Variants in ZFYVE26 observed in about 807,000 individuals in gnomAD.
The protein encoded by ZFYVE26 is zinc finger FYVE-type containing 26.
In ZFYVE26, 181 loss-of-function variants were observed where a neutral mutation model predicts 276.5. The observed-to-expected ratio is 0.65, with a 90% CI of 0.58 to 0.74. The LOEUF is 0.74. ZFYVE26 is among the 30% of genes least tolerant of loss of function. ZFYVE26 has a pLI of 0.00. For synonymous variants in ZFYVE26, 1,129 were observed against 1,203.1 expected (o/e 0.94, Z 1.27); for missense variants, 2,821 against 3,097.9 (o/e 0.91, Z 2.12).
chr14:67,757,325 A>G (rs533131664), intron 35 of ZFYVE26, among the ~76,000 whole-genome samples: 12 of 152,320 alleles, frequency 7.9e-5, no homozygotes, highest in African/African-American at 2.6e-4. Context: ...AATGTCCACA[A>G]GGTCCTGTGT....
chr14:67,764,970 T>C (rs1442146527), intron 32 of ZFYVE26, among the ~76,000 whole-genome samples: 1 of 152,224 alleles, frequency 6.6e-6, no homozygotes, highest in East Asian at 1.9e-4. Context: ...ACTTGAGATA[T>C]ATTTGAATAT....
At chr14:67,815,337 C>T (rs1231692269) in intron 2 of ZFYVE26, among the ~76,000 whole-genome samples, 5 of 152,272 alleles carry the variant, frequency 3.3e-5, no homozygotes, top group East Asian at 3.9e-4. Context: ...GAAAAGGATA[C>T]GCTGGACTCC....
intron 39 of ZFYVE26, among the ~76,000 whole-genome samples, chr14:67,753,374 TGGAAAGCCCC>T (rs1566862246): frequency 1.1e-4 from 17 of 152,166 alleles, no homozygotes; most frequent in African/African-American, 3.9e-4. Context: ...TTGTGGCCAG[TGGAAAGCCCC>T]TGGCCACCCC....
At position 67,783,232 on chromosome 14, in the gene ZFYVE26, A is replaced by C; in HGVS notation, c.3920T>G (p.Phe1307Cys). 6.2e-7 allele frequency: 1 copy of C among 1,613,836 alleles called. No homozygotes were observed. The highest frequency in any genetic ancestry group is 1.1e-5 in the South Asian group (1 of 91,064). Residue 1307 changes from phenylalanine (F) to cysteine (C), a missense_variant, in exon 21 of 42, where the codon TTT becomes TGT. Coordinates refer to ENST00000347230, the MANE Select transcript of ZFYVE26 (RefSeq NM_015346.4). ...LPALTSSALA[F>C]LKSRSKLLAT... is the part of the protein sequence containing the mutation. ...TAGGAGCTTTGAGCGTGACTTAAGA[A>C]AGGCCAAGGCAGAGGAGGTGAGGGC...
chr14:67,813,763 C>T (rs182720399), intron 3 of ZFYVE26, among the ~76,000 whole-genome samples: 1 of 152,292 alleles, frequency 6.6e-6, no homozygotes, highest in African/African-American at 2.4e-5. Context: ...GCACAAGACT[C>T]ATGGTGGTAT....
chr14:67,753,815 A>G (rs2038709626), intron 38 of ZFYVE26, 49 bp from the exon 39 acceptor site: 19 of 1,598,428 alleles, frequency 1.2e-5, no homozygotes, highest in Non-Finnish European at 1.6e-5. Flanking sequence ...TTACTAGAGA[A>G]TACTCTTGAC....
chr14:67,815,835 T>C lies in ZFYVE26; in HGVS notation c.129A>G (p.Gln43=). The change falls in exon 2 of 42, where the codon CAA becomes CAG. Residue 43 remains glutamine, a synonymous_variant. Transcript: ENST00000347230. ...QACVPQLQEG[Q]GDIPKRVEDI... ...CTTCTACCCTCTTTGGGATATCCCC[T>C]TGTCCCTCCTGTAGCTGAGGTACAC... 1 of 1,614,148 alleles carries C rather than the reference T, an allele frequency of 6.2e-7. No homozygotes were observed. Among genetic ancestry groups the C allele is most frequent in the Non-Finnish European group, 8.5e-7 (1 of 1,180,048 alleles).
chr14:67,733,790 A>C (rs2038316726), intron 13 of ZFYVE26: 2 of 1,613,498 alleles, frequency 1.2e-6, no homozygotes, highest in Admixed American at 1.7e-5. Context: ...CGAAATAACA[A>C]AACAGCTGAG....
intron 6 of ZFYVE26, 126 bp downstream of exon 6, chr14:67,806,419 A>G: frequency 7.9e-7 from 1 of 1,266,102 alleles, no homozygotes; most frequent in Admixed American, 1.9e-5. Flanking sequence ...GAGGGACAAA[A>G]CCAAATGACT....
chr14:67,805,431 C>T (rs1332728445), intron 7 of ZFYVE26, 23 bp downstream of exon 7: 1 of 1,614,152 alleles, frequency 6.2e-7, no homozygotes, highest in Admixed American at 1.7e-5. Flanking sequence ...CCAGAGCAGC[C>T]TGGGATGCTG....
At chr14:67,764,387 T>C (rs938136002) in intron 32 of ZFYVE26, among the ~76,000 whole-genome samples, 1 of 152,118 alleles carries the variant, frequency 6.6e-6, no homozygotes, top group African/African-American at 2.4e-5. Flanking sequence ...AGGTGGTGAG[T>C]TTATTTTTAT....
Position 67,793,645 on chromosome 14 carries a change from G to T in ZFYVE26, c.2516C>A (p.Ser839Tyr), listed in dbSNP as rs766942814. 6.2e-7 allele frequency: 1 copy of T among 1,613,738 alleles called. No homozygotes were observed. Among genetic ancestry groups the T allele is most frequent in the Non-Finnish European group, 8.5e-7 (1 of 1,179,856 alleles). Residue 839 changes from serine to tyrosine, a missense_variant, in exon 14 of 42, where the codon TCC becomes TAC. Coordinates refer to ENST00000347230, the MANE Select transcript of ZFYVE26 (RefSeq NM_015346.4). Reference protein sequence around the residue: ...MFSPPESLLASCILRGNFAEA... With the variant: ...MFSPPESLLAYCILRGNFAEA... ...TGCGAAGTTCCCGCGAAGGATGCAG[G>T]ATGCCAGCAGTGACTCAGGTGGGGA...
rs1262060659 is a variant in ZFYVE26 at position 67,755,935 on chromosome 14, G to A, written c.6786+13C>T. On this transcript the variant is annotated intron_variant, in intron 36 of 41. Transcript: ENST00000347230. ...AGCAACAGAGGTAGAAGGCAGGAAG[G>A]GGCTGCCATTACCTTCATAAACTGC... is the stretch of plus-strand genomic sequence containing the variant. The A allele has an allele frequency of 6.2e-7, 1 of 1,613,972 alleles. No individual in the cohort carries two copies. Among genetic ancestry groups the A allele is most frequent in the Non-Finnish European group, 8.5e-7 (1 of 1,179,978 alleles).
At position 67,783,008 on chromosome 14, in the gene ZFYVE26, G is replaced by A. The variant is rs1454587963; in HGVS notation, c.4144C>T (p.Gln1382Ter). The change falls in exon 21 of 42, where the codon CAG becomes TAG. Residue 1382 changes from glutamine to a stop codon, truncating the protein, a stop_gained. Coordinates refer to ENST00000347230, the MANE Select transcript of ZFYVE26 (RefSeq NM_015346.4). LOFTEE classifies it high-confidence loss of function. ...AAWEPLRGSL[Q>*]QGQSLAVNLC... ...TTCACTGCCAGACTCTGCCCCTGCT[G>A]CAAAGACCCTCGCAGGGGCTCCCAG... 6.2e-7 allele frequency: 1 copy of A among 1,614,178 alleles called. No individual in the cohort carries two copies. Among genetic ancestry groups the A allele is most frequent in the Non-Finnish European group, 8.5e-7 (1 of 1,180,032 alleles).
At chr14:67,733,629 T>C in intron 13 of ZFYVE26, 1 of 696,970 alleles carries the variant, frequency 1.4e-6, no homozygotes, top group South Asian at 1.5e-5. Flanking sequence ...TTAGTTTCTT[T>C]GAGTCTGGCA....
At chr14:67,757,682 C>CTTTCTTTCTTTCTTTCTT (rs1279409842) in intron 35 of ZFYVE26, among the ~76,000 whole-genome samples, 2 of 130,634 alleles carry the variant, frequency 1.5e-5, no homozygotes, top group South Asian at 4.9e-4. Flanking sequence ...TTCTTTCTTT[C>CTTTCTTTCTTTCTTTCTT]TCTCTCTCTT....
intron 5 of ZFYVE26, among the ~76,000 whole-genome samples, chr14:67,806,985 C>A (rs1445884727): frequency 6.6e-6 from 1 of 152,148 alleles, no homozygotes; most frequent in Admixed American, 6.6e-5. Flanking sequence ...GGCTGGAATA[C>A]AGCGGTGCAA....
At chr14:67,752,887 C>G (rs8011138) in intron 39 of ZFYVE26, among the ~76,000 whole-genome samples, 147,655 of 152,260 alleles carry the variant, frequency 0.97, 71,737 homozygotes, top group East Asian at 1. Flanking sequence ...TCTGTTAAGA[C>G]GCAGGTGACT....
chr14:67,803,859 T>C (rs1225696244), intron 9 of ZFYVE26, among the ~76,000 whole-genome samples: 2 of 152,210 alleles, frequency 1.3e-5, no homozygotes, highest in Non-Finnish European at 2.9e-5. Context: ...CCTGTGATGG[T>C]TCCACAAGGA....
Sources: allele counts gnomAD v4.1 joint callset (sites outside exome capture counted in the v4.1 genomes callset), GRCh38; gene constraint gnomAD v4.1.1; transcripts MANE v1.5; gene names NCBI Gene and HGNC (gene_info 2026-07-23, HGNC 2026-07-21).